Variants in DUSP16 observed in about 807,000 individuals in gnomAD.
The protein encoded by DUSP16 is dual specificity protein phosphatase 16.
A neutral mutation model predicts 58.3 loss-of-function variants in DUSP16; 21 were observed. That is an observed-to-expected ratio of 0.36 (90% CI 0.26 to 0.52). The LOEUF is 0.52. Among genes scored for constraint, DUSP16 ranks in the 20% least tolerant of loss-of-function variants. The pLI, the probability that DUSP16 is intolerant of heterozygous loss-of-function variation, is 0.94. For missense variants in DUSP16, 726 were observed against 819.0 expected (o/e 0.89, Z 1.39); for synonymous variants, 320 against 323.8 (o/e 0.99, Z 0.12).
At chr12:12,501,449 G>T (rs1943909326) in intron 3 of DUSP16, among the ~76,000 whole-genome samples, 1 of 152,214 alleles carries the variant, frequency 6.6e-6, no homozygotes, top group African/African-American at 2.4e-5. Flanking sequence ...CTAAGTCACA[G>T]TCTTGCCACC....
At chr12:12,542,876 A>C (rs1336636986) in intron 1 of DUSP16, among the ~76,000 whole-genome samples, 5 of 152,112 alleles carry the variant, frequency 3.3e-5, no homozygotes, top group Admixed American at 3.3e-4. Flanking sequence ...TGGGGCCTTT[A>C]GAGGGTAATT....
chr12:12,557,868 G>A (rs1475555320), intron 1 of DUSP16, among the ~76,000 whole-genome samples: 2 of 152,190 alleles, frequency 1.3e-5, no homozygotes, highest in Admixed American at 6.5e-5. Flanking sequence ...TAGAGGATCA[G>A]CATAAATTTG....
intron 3 of DUSP16, among the ~76,000 whole-genome samples, chr12:12,510,775 G>A (rs1028919722): frequency 6.6e-6 from 1 of 152,176 alleles, no homozygotes; most frequent in African/African-American, 2.4e-5. Context: ...CTGGTAGCTA[G>A]GGAAGGCTTG....
intron 6 of DUSP16, 146 bp from the exon 7 acceptor site, chr12:12,478,161 T>G: frequency 1.3e-6 from 1 of 763,846 alleles, no homozygotes; most frequent in Non-Finnish European, 2.1e-6. Context: ...GGGAGATGCT[T>G]CAAGGTGGAG....
At chr12:12,537,310 C>T (rs1044681840) in intron 1 of DUSP16, among the ~76,000 whole-genome samples, 1 of 152,028 alleles carries the variant, frequency 6.6e-6, no homozygotes, top group Non-Finnish European at 1.5e-5. Flanking sequence ...ATAGTGTGAG[C>T]AAATTTTTAA....
At chr12:12,535,999 T>C (rs1465145372) in intron 1 of DUSP16, among the ~76,000 whole-genome samples, 2 of 152,242 alleles carry the variant, frequency 1.3e-5, no homozygotes, top group Non-Finnish European at 2.9e-5. Flanking sequence ...CACTGTACGC[T>C]TTATGAAAAT....
chr12:12,560,444 A>C (rs931380192), intron 1 of DUSP16, among the ~76,000 whole-genome samples: 6 of 152,222 alleles, frequency 3.9e-5, no homozygotes, highest in Admixed American at 1.3e-4. Context: ...TATTTAGCCT[A>C]TATTTTTACA....
chr12:12,503,224 C>CTT lies in DUSP16; in HGVS notation c.368-2544_368-2543dup, dbSNP rs34349090. 8.6e-3 allele frequency among the ~76,000 whole-genome samples: 990 copies of CTT among 115,392 alleles called. 28 individuals carry two copies. Among genetic ancestry groups the CTT allele is most frequent in the Non-Finnish European group, 0.01 (588 of 56,396 alleles). The allele number at this position is 115,392 out of a possible 152,430, so 75.7% of individuals were successfully genotyped here. A position where few individuals can be genotyped will look rare whatever the true frequency, so the allele number is the denominator to read the frequency against. ...ACTCAGGAGGTATCACTGGTTATTG[C>CTT]TTTTTTTTTTTTTTTTTTTGAGACA... On this transcript the variant is annotated intron_variant, in intron 3 of 6. Coordinates refer to ENST00000298573, the MANE Select transcript of DUSP16 (RefSeq NM_030640.3).
intron 5 of DUSP16, among the ~76,000 whole-genome samples, chr12:12,483,895 G>GTGT (rs1462586114): frequency 1.1e-4 from 16 of 151,758 alleles, no homozygotes; most frequent in African/African-American, 3.9e-4. Flanking sequence ...CATTAAGGGG[G>GTGT]TACATCTTCA....
intron 4 of DUSP16, among the ~76,000 whole-genome samples, chr12:12,493,113 C>G (rs1236296151): frequency 6.6e-6 from 1 of 152,136 alleles, no homozygotes; most frequent in Non-Finnish European, 1.5e-5. Flanking sequence ...TTCAGGGATC[C>G]CCCTGCCCCA....
intron 2 of DUSP16, 118 bp from the exon 3 acceptor site, chr12:12,520,118 A>G: frequency 1.9e-6 from 2 of 1,040,562 alleles, no homozygotes; most frequent in Admixed American, 2.6e-5. Context: ...TTTTCAATTA[A>G]TAATTTGAAT....
chr12:12,477,765 G>A lies in DUSP16; in HGVS notation c.1066C>T (p.His356Tyr). 2 of 1,613,288 alleles carry A rather than the reference G, an allele frequency of 1.2e-6. No individual in the cohort carries two copies. The highest frequency in any genetic ancestry group is 1.7e-6 in the Non-Finnish European group (2 of 1,179,844). ...GGCACGCTGGGCACGCTGGCGGGAT[G>A]CACGGGCCTTTGTCCTGCTGCCTCT... The part of the protein sequence containing the change: ...TSEAAGQRPV[H>Y]PASVPSVPSV... The change falls in exon 7 of 7, where the codon CAT becomes TAT. Residue 356 changes from histidine (H) to tyrosine (Y), a missense_variant. By Grantham distance (83) the His-to-Tyr change is moderately conservative (BLOSUM62 2). Coordinates refer to ENST00000298573, the MANE Select transcript of DUSP16 (RefSeq NM_030640.3). This position sits in a 1 kb window ranked among gnomAD's most constrained non-coding sequence, Gnocchi z 4.1.
At chr12:12,519,570 G>A (rs1373226022) in intron 3 of DUSP16, among the ~76,000 whole-genome samples, 1 of 151,320 alleles carries the variant, frequency 6.6e-6, no homozygotes, top group Non-Finnish European at 1.5e-5. Flanking sequence ...GAAAAAGGCA[G>A]ACAGAAGCAG....
chr12:12,481,026 T>C (rs1380847581), intron 5 of DUSP16, among the ~76,000 whole-genome samples: 1 of 152,190 alleles, frequency 6.6e-6, no homozygotes, highest in Non-Finnish European at 1.5e-5. Context: ...GCCTCCCTAT[T>C]TTAAGCAACT....
chr12:12,511,490 C>T (rs1019285042), intron 3 of DUSP16, among the ~76,000 whole-genome samples: 1 of 152,134 alleles, frequency 6.6e-6, no homozygotes, highest in Non-Finnish European at 1.5e-5. Flanking sequence ...TCATTCCTGA[C>T]ATTTTTAATC....
chr12:12,540,594 C>T (rs191497829), intron 1 of DUSP16, among the ~76,000 whole-genome samples: 3 of 152,192 alleles, frequency 2.0e-5, no homozygotes, highest in African/African-American at 7.2e-5. Flanking sequence ...ATCTATAAGG[C>T]TCCGTGAGAT....
At chr12:12,550,549 A>G (rs959069635) in intron 1 of DUSP16, among the ~76,000 whole-genome samples, 2 of 152,192 alleles carry the variant, frequency 1.3e-5, no homozygotes, top group Non-Finnish European at 1.5e-5. Flanking sequence ...TATATTCTTT[A>G]CTGCCTATCA....
intron 4 of DUSP16, among the ~76,000 whole-genome samples, chr12:12,490,744 G>A (rs570901269): frequency 1.3e-5 from 2 of 152,192 alleles, no homozygotes; most frequent in East Asian, 3.9e-4. Flanking sequence ...CAGTGCCAAA[G>A]CCTTCTAGAT....
At chr12:12,493,403 C>T (rs1342683336) in intron 4 of DUSP16, among the ~76,000 whole-genome samples, 7 of 152,170 alleles carry the variant, frequency 4.6e-5, no homozygotes, top group Non-Finnish European at 8.8e-5. Context: ...CTGCTTCCAT[C>T]CAGTAGGAAA....
Sources: allele counts gnomAD v4.1 joint callset (sites outside exome capture counted in the v4.1 genomes callset), GRCh38; gene constraint gnomAD v4.1.1; non-coding constraint Gnocchi (gnomAD v3.1); transcripts MANE v1.5; gene names NCBI Gene and HGNC (gene_info 2026-07-23, HGNC 2026-07-21).